The following CHCHD6 variants were observed in gnomAD, a reference collection of about 807,000 sequenced individuals.
The protein encoded by CHCHD6 is coiled-coil-helix-coiled-coil-helix domain containing 6, also known as MICOS complex subunit MIC25.
In CHCHD6, 28 loss-of-function variants were observed where a neutral mutation model predicts 32.3. That is an observed-to-expected ratio of 0.87 (90% CI 0.64 to 1.19). The LOEUF is 1.19. Among genes scored for constraint, CHCHD6 ranks in the 50% most tolerant of loss-of-function variants. The pLI, the probability that CHCHD6 is intolerant of heterozygous loss-of-function variation, is 0.00. For missense variants in CHCHD6, 333 were observed against 307.0 expected (o/e 1.08, Z -0.63); for synonymous variants, 122 against 117.5 (o/e 1.04, Z -0.25).
intron 4 of CHCHD6, among the ~76,000 whole-genome samples, chr3:126,739,803 T>C (rs1168892958): frequency 6.6e-6 from 1 of 152,222 alleles, no homozygotes; most frequent in East Asian, 1.9e-4. Flanking sequence ...CCTCTAAACA[T>C]AGTCTCGATT....
intron 5 of CHCHD6, among the ~76,000 whole-genome samples, chr3:126,869,207 C>A (rs2077431284): frequency 6.6e-6 from 1 of 151,084 alleles, no homozygotes. Context: ...TTTATTATTT[C>A]ATAGGTTAAT....
intron 5 of CHCHD6, among the ~76,000 whole-genome samples, chr3:126,864,939 C>T (rs1334098896): frequency 6.6e-6 from 1 of 150,812 alleles, no homozygotes; most frequent in Admixed American, 6.6e-5. Context: ...TCACCTCCTC[C>T]TCCACCATCA....
intron 5 of CHCHD6, among the ~76,000 whole-genome samples, chr3:126,880,286 G>A (rs1440008479): frequency 3.9e-5 from 6 of 152,106 alleles, no homozygotes; most frequent in Non-Finnish European, 7.3e-5. Flanking sequence ...CTGAGTGATG[G>A]GCTTTATTTC....
In CHCHD6 at chr3:126,801,081, G is replaced by A. The variant is rs191912081; in HGVS notation, c.412-51566G>A. Among the ~76,000 whole-genome samples the A allele has an allele frequency of 2.4e-4, 36 of 152,346 alleles. No homozygotes were observed. The East Asian group carries it at 5.2e-3, about 22-fold the overall frequency. ...TATAAATGTGAGACTAGATGGAGGA[G>A]CCAAGATGGCCGAATAGGAACAGCT... is the stretch of plus-strand genomic sequence containing the variant. On this transcript the variant is annotated intron_variant, in intron 4 of 7. Coordinates refer to ENST00000290913, the MANE Select transcript of CHCHD6 (RefSeq NM_032343.3).
rs73205695 is a variant in CHCHD6 at position 126,881,525 on chromosome 3, G to A, written c.495+28795G>A. On this transcript the variant is annotated intron_variant, in intron 5 of 7. Coordinates refer to ENST00000290913, the MANE Select transcript of CHCHD6 (RefSeq NM_032343.3). ...CAAGTGTATAGCAAAACTTTTGTGAGAAAAGGTGTAAGAGAGCTGACCCTC... is the reference window on the plus strand; with the variant it reads ...CAAGTGTATAGCAAAACTTTTGTGAAAAAAGGTGTAAGAGAGCTGACCCTC... Among the ~76,000 whole-genome samples the A allele has an allele frequency of 7.2e-3, 1,104 of 152,332 alleles. 6 individuals carry two copies. Among genetic ancestry groups the A allele is most frequent in the Non-Finnish European group, 0.012 (813 of 68,028 alleles).
intron 4 of CHCHD6, among the ~76,000 whole-genome samples, chr3:126,812,794 T>C (rs1021159358): frequency 3.3e-5 from 5 of 152,124 alleles, no homozygotes; most frequent in African/African-American, 1.2e-4. Flanking sequence ...TTTCTTCTTT[T>C]CCCTGTTGGT....
chr3:126,877,095 A>G (rs1038788757), intron 5 of CHCHD6, among the ~76,000 whole-genome samples: 3 of 152,180 alleles, frequency 2.0e-5, no homozygotes, highest in Non-Finnish European at 2.9e-5. Flanking sequence ...AAAAGATAGA[A>G]GTGTTTGAAT....
intron 6 of CHCHD6, among the ~76,000 whole-genome samples, chr3:126,920,981 G>A (rs1426981179): frequency 2.0e-5 from 3 of 151,480 alleles, no homozygotes; most frequent in South Asian, 2.1e-4. Context: ...TTTTTCCCTC[G>A]GGGAAGAGCA....
chr3:126,710,378 TCTAA>T (rs1194212486), intron 1 of CHCHD6, among the ~76,000 whole-genome samples: 1 of 152,186 alleles, frequency 6.6e-6, no homozygotes, highest in African/African-American at 2.4e-5. Flanking sequence ...GTGTAAGGCC[TCTAA>T]CTTTGTTATT....
At chr3:126,719,539 G>T (rs533476297) in intron 1 of CHCHD6, among the ~76,000 whole-genome samples, 3 of 152,310 alleles carry the variant, frequency 2.0e-5, no homozygotes, top group African/African-American at 7.2e-5. Context: ...GTGTATGATA[G>T]GAGGAATGTT....
intron 5 of CHCHD6, among the ~76,000 whole-genome samples, chr3:126,895,851 G>A (rs774573904): frequency 3.3e-5 from 5 of 152,204 alleles, no homozygotes; most frequent in Non-Finnish European, 7.3e-5. Flanking sequence ...GGCAGCAGCT[G>A]CCTGATTGCC....
intron 5 of CHCHD6, among the ~76,000 whole-genome samples, chr3:126,907,835 A>G (rs992358329): frequency 6.6e-6 from 1 of 152,140 alleles, no homozygotes; most frequent in Admixed American, 6.5e-5. Context: ...ACGTGGAACC[A>G]TGTGCTGGCA....
intron 1 of CHCHD6, among the ~76,000 whole-genome samples, chr3:126,714,430 C>A (rs1934911534): frequency 6.6e-6 from 1 of 152,120 alleles, no homozygotes; most frequent in African/African-American, 2.4e-5. Flanking sequence ...GCAGCCGGTG[C>A]ATCTAATTTC....
intron 4 of CHCHD6, among the ~76,000 whole-genome samples, chr3:126,812,492 C>T (rs536203029): frequency 2.6e-5 from 4 of 151,892 alleles, no homozygotes; most frequent in African/African-American, 4.8e-5. Flanking sequence ...GGCGCGATCT[C>T]GGCTTACTGC....
chr3:126,884,249 C>G (rs537475641), intron 5 of CHCHD6, among the ~76,000 whole-genome samples: 131 of 152,204 alleles, frequency 8.6e-4, no homozygotes, highest in Middle Eastern at 3.4e-3. Context: ...CCATCACAGG[C>G]GAATTCTCTT....
intron 4 of CHCHD6, among the ~76,000 whole-genome samples, chr3:126,808,030 TCA>T (rs1939491850): frequency 6.6e-6 from 1 of 152,340 alleles, no homozygotes; most frequent in East Asian, 1.9e-4. Context: ...CATTTATGTC[TCA>T]CAGTTTTTGT....
At chr3:126,730,706 C>G in intron 3 of CHCHD6, 76 bp downstream of exon 3, 1 of 1,259,186 alleles carries the variant, frequency 7.9e-7, no homozygotes, top group Non-Finnish European at 1.1e-6. Flanking sequence ...TACCCCTCTC[C>G]TTGCCTGAAG....
intron 4 of CHCHD6, among the ~76,000 whole-genome samples, chr3:126,750,261 C>T (rs1324631752): frequency 6.6e-6 from 1 of 152,206 alleles, no homozygotes; most frequent in Admixed American, 6.5e-5. Flanking sequence ...CCCACAGAGT[C>T]GTCTTTGACT....
chr3:126,729,685 C>A (rs534014654), intron 2 of CHCHD6, among the ~76,000 whole-genome samples: 1 of 152,134 alleles, frequency 6.6e-6, no homozygotes, highest in Non-Finnish European at 1.5e-5. Flanking sequence ...GTAGTCACAG[C>A]TGATGCTTTC....
Sources: gnomAD v4.1 joint callset for allele counts (sites outside exome capture counted in the v4.1 genomes callset) on GRCh38, gnomAD v4.1.1 for gene constraint, MANE v1.5 for transcripts, NCBI Gene and HGNC (gene_info 2026-07-23, HGNC 2026-07-21) for gene names.